Variants in PAAF1 observed in about 807,000 individuals in gnomAD.
PAAF1 encodes proteasomal ATPase-associated factor 1.
In PAAF1, 46 loss-of-function variants were observed where a neutral mutation model predicts 52.8. The observed-to-expected ratio is 0.87, with a 90% CI of 0.69 to 1.11. The LOEUF (loss-of-function observed/expected upper bound fraction) is 1.11, where lower values mean the gene tolerates loss of function less well. Ranked by LOEUF, PAAF1 falls within the 50% of genes most tolerant of loss-of-function variation. The pLI is 0.00. For synonymous variants in PAAF1, 178 were observed against 172.8 expected (o/e 1.03, Z -0.24); for missense variants, 424 against 477.4 (o/e 0.89, Z 1.04).
rs1050058241 is a variant in PAAF1 at position 73,878,813 on chromosome 11, C to T, written c.82C>T (p.Pro28Ser). The T allele has an allele frequency of 6.2e-7, 1 of 1,613,362 alleles. No individual in the cohort carries two copies. The highest frequency in any genetic ancestry group is 8.5e-7 in the Non-Finnish European group (1 of 1,179,586). The change falls in exon 2 of 12, where the codon CCC (proline) becomes TCC (serine). Residue 28 changes from proline to serine, a missense_variant. Coordinates refer to ENST00000310571, the MANE Select transcript of PAAF1 (RefSeq NM_025155.3). ...AGGGGAGGCCTGGCTGAGCTGTCAT[C>T]CCCCAGGTAATACCCATGAATTATA... ...DEGEAWLSCH[P>S]PGKPSLYGSL...
At chr11:73,907,479 C>T (rs73549968) in intron 6 of PAAF1, among the ~76,000 whole-genome samples, 16,253 of 152,214 alleles carry the variant, frequency 0.11, 926 homozygotes, top group East Asian at 0.18. Flanking sequence ...ACCTGACTTG[C>T]ATCACCTCAT....
In PAAF1 at chr11:73,914,494, G is replaced by A; in HGVS notation, c.809G>A (p.Ser270Asn). 6.2e-7 allele frequency: 1 copy of A among 1,613,988 alleles called. No homozygotes were observed. The highest frequency in any genetic ancestry group is 8.5e-7 in the Non-Finnish European group (1 of 1,179,904). ...DKKLQCLGLQ[S>N]RQLVFLFIGS... ...AAACTTCAGTGCTTGGGACTACAGA[G>A]CAGGCAGCTGGCAAGTGGTTCCTAT... Residue 270 changes from serine (S) to asparagine (N), a missense_variant, in exon 8 of 12, where the codon AGC becomes AAC. Physicochemically the swap from Ser to Asn is conservative, Grantham distance 46. Coordinates refer to ENST00000310571, the MANE Select transcript of PAAF1 (RefSeq NM_025155.3).
rs754382858 is a variant in PAAF1, at chr11:73,914,457, C to T, written c.772C>T (p.Arg258Trp). 3.1e-6 allele frequency: 5 copies of T among 1,613,822 alleles called. No individual in the cohort carries two copies. The highest frequency in any genetic ancestry group is 1.7e-5 in the Admixed American group (1 of 59,970). ...AGAGGCCAAAATGCTGCTCTTGGCC[C>T]GGGAAGATAAGAAACTTCAGTGCTT... ...GTEAKMLLLA[R>W]EDKKLQCLGL... is the part of the protein sequence containing the mutation. The change falls in exon 8 of 12, where the codon CGG becomes TGG. Residue 258 changes from arginine (R) to tryptophan (W), a missense_variant. Arg to Trp is a moderately radical substitution (Grantham distance 101). Coordinates refer to ENST00000310571, the MANE Select transcript of PAAF1 (RefSeq NM_025155.3).
intron 10 of PAAF1, among the ~76,000 whole-genome samples, chr11:73,922,708 T>G (rs1474326909): frequency 6.6e-6 from 1 of 151,652 alleles, no homozygotes; most frequent in Non-Finnish European, 1.5e-5. Flanking sequence ...TCCCAGCTAC[T>G]TGGGAGGCTG....
intron 7 of PAAF1, among the ~76,000 whole-genome samples, chr11:73,911,717 C>T (rs912848871): frequency 1.3e-5 from 2 of 151,588 alleles, no homozygotes; most frequent in African/African-American, 2.4e-5. Context: ...CCTCCACCTC[C>T]CAGGTTCAAG....
chr11:73,878,725 G>C, intron 1 of PAAF1, 54 bp from the exon 2 acceptor site: 1 of 1,536,160 alleles, frequency 6.5e-7, no homozygotes, highest in Admixed American at 1.7e-5. Flanking sequence ...TTGTAACTAT[G>C]GGATCCTATT....
intron 2 of PAAF1, among the ~76,000 whole-genome samples, chr11:73,883,407 A>G (rs1948971184): frequency 6.6e-6 from 1 of 152,152 alleles, no homozygotes; most frequent in Non-Finnish European, 1.5e-5. Flanking sequence ...CCTAGCAACC[A>G]CTAGTTTACT....
chr11:73,901,720 G>A (rs990612175), intron 6 of PAAF1, among the ~76,000 whole-genome samples: 5 of 151,758 alleles, frequency 3.3e-5, no homozygotes, highest in Admixed American at 2.0e-4. Flanking sequence ...ACGGGTACAC[G>A]CCCCACACCT....
intron 5 of PAAF1, among the ~76,000 whole-genome samples, chr11:73,899,626 G>C (rs1949540606): frequency 6.6e-6 from 1 of 152,058 alleles, no homozygotes; most frequent in Admixed American, 6.6e-5. Flanking sequence ...CGGCCAGGCT[G>C]GTTTCCAACT....
Position 73,925,078 on chromosome 11 carries a change from C to T in PAAF1, c.1101+381C>T, listed in dbSNP as rs59668637. 2.0e-5 allele frequency among the ~76,000 whole-genome samples: 3 copies of T among 149,812 alleles called. No individual in the cohort carries two copies. In the Admixed American group the frequency reaches 2.0e-4, roughly 10 times the overall value. Reference sequence around the variant, plus strand: ...GCTGAGGCAGGAGAATCGCTTGAACCTGGGAGGTGGAGGCTGCAGTGAGCC... The same window carrying T: ...GCTGAGGCAGGAGAATCGCTTGAACTTGGGAGGTGGAGGCTGCAGTGAGCC... On this transcript the variant is annotated intron_variant, in intron 11 of 11. Transcript: ENST00000310571.
Position 73,928,585 on chromosome 11 carries a change from A to C in PAAF1, c.*1223A>C, listed in dbSNP as rs1016086861. 4 of 152,188 alleles carry C rather than the reference A, an allele frequency of 2.6e-5. No homozygotes were observed. The highest frequency in any genetic ancestry group is 4.4e-5 in the Non-Finnish European group (3 of 68,044). The allele number at this position is 152,188 out of a possible 1,614,324, so 9.4% of individuals were successfully genotyped here. A position where few individuals can be genotyped will look rare whatever the true frequency, so the allele number is the denominator to read the frequency against. On this transcript the variant is annotated 3_prime_UTR_variant, in exon 12 of 12. Transcript: ENST00000310571. Reference sequence around the variant, plus strand: ...ACAATGTCCAGAATATGGATACCATATTATTTATATTTTTGAGATTATTAG... The same window carrying C: ...ACAATGTCCAGAATATGGATACCATCTTATTTATATTTTTGAGATTATTAG...
chr11:73,894,087 GC>G (rs1369601002), intron 4 of PAAF1, among the ~76,000 whole-genome samples: 1 of 152,120 alleles, frequency 6.6e-6, no homozygotes, highest in African/African-American at 2.4e-5. Context: ...ATAGGTATAA[GC>G]CACTGTGCCT....
At chr11:73,925,739 C>T (rs1246791145) in intron 11 of PAAF1, among the ~76,000 whole-genome samples, 1 of 152,032 alleles carries the variant, frequency 6.6e-6, no homozygotes, top group Non-Finnish European at 1.5e-5. Context: ...ATCTTTGTTA[C>T]TATTTGTTGA....
chr11:73,915,890 A>T (rs904008259), intron 8 of PAAF1, among the ~76,000 whole-genome samples: 2 of 152,168 alleles, frequency 1.3e-5, no homozygotes, highest in African/African-American at 4.8e-5. Flanking sequence ...TTTCAGGAAC[A>T]TTACCATTTT....
chr11:73,885,726 C>T (rs533229652), intron 2 of PAAF1, among the ~76,000 whole-genome samples: 175 of 151,448 alleles, frequency 1.2e-3, no homozygotes, highest in African/African-American at 4.2e-3. Context: ...CCTTTAATCC[C>T]AGGTACTTGG....
chr11:73,903,823 C>T (rs920564736), intron 6 of PAAF1, among the ~76,000 whole-genome samples: 1 of 151,394 alleles, frequency 6.6e-6, no homozygotes, highest in African/African-American at 2.4e-5. Context: ...GCGTCTCACC[C>T]CTGTAATCCC....
chr11:73,896,071 TG>T (rs1383678982), intron 4 of PAAF1, among the ~76,000 whole-genome samples: 8 of 152,182 alleles, frequency 5.3e-5, no homozygotes, highest in Non-Finnish European at 1.2e-4. Flanking sequence ...ATCATGCCCC[TG>T]CACTTCAGCC....
chr11:73,903,307 G>A (rs932440679), intron 6 of PAAF1, among the ~76,000 whole-genome samples: 1 of 152,188 alleles, frequency 6.6e-6, no homozygotes, highest in Non-Finnish European at 1.5e-5. Flanking sequence ...ATTGATCTCT[G>A]ATAGCTTAAC....
intron 6 of PAAF1, among the ~76,000 whole-genome samples, chr11:73,908,339 G>GTGTA (rs1240241112): frequency 3.6e-5 from 4 of 111,336 alleles, no homozygotes; most frequent in African/African-American, 1.3e-4. Context: ...ATATATATGT[G>GTGTA]TATATATGTG....
Sources: gnomAD v4.1 joint callset for allele counts (sites outside exome capture counted in the v4.1 genomes callset) on GRCh38, gnomAD v4.1.1 for gene constraint, MANE v1.5 for transcripts, NCBI Gene and HGNC (gene_info 2026-07-23, HGNC 2026-07-21) for gene names.